ESRRB: variants seen among roughly 807,000 people sequenced by gnomAD.
ESRRB encodes the protein steroid hormone receptor ERR2.
In ESRRB, 16 loss-of-function variants were observed where a neutral mutation model predicts 46.0. The ratio of observed to expected loss-of-function variants is 0.35; its 90% CI spans 0.24 to 0.53. The LOEUF (loss-of-function observed/expected upper bound fraction) is 0.53, where lower values mean the gene tolerates loss of function less well. ESRRB is among the 20% of genes least tolerant of loss of function. The pLI is 0.93. For missense variants in ESRRB, 488 were observed against 607.4 expected (o/e 0.80, Z 2.07); for synonymous variants, 246 against 259.6 (o/e 0.95, Z 0.50).
intron 1 of ESRRB, among the ~76,000 whole-genome samples, chr14:76,331,651 C>G (rs1884015072): frequency 6.6e-6 from 1 of 152,158 alleles, no homozygotes; most frequent in South Asian, 2.1e-4. Flanking sequence ...TATGCAGCTG[C>G]CTGTCCTCTT....
At chr14:76,375,676 C>T (rs945069932), upstream of ESRRB, among the ~76,000 whole-genome samples, 2 of 152,210 alleles carry the variant, frequency 1.3e-5, no homozygotes, top group African/African-American at 4.8e-5. Context: ...TGCACTTTTG[C>T]GCACACAGCG....
chr14:76,433,456 A>C (rs140105384), intron 1 of ESRRB, among the ~76,000 whole-genome samples: 21 of 152,218 alleles, frequency 1.4e-4, no homozygotes, highest in East Asian at 9.7e-4. Context: ...AATGTCTTAA[A>C]TTCCTTACAT....
At position 76,482,233 on chromosome 14, in the gene ESRRB, T is replaced by C; in HGVS notation, c.688+107T>C. ...CCCACCACTGGGTCATGAGACAATG[T>C]GGATCTTGGGGAGGTGACATCAGTG... On this transcript the variant is annotated intron_variant, in intron 4 of 6. Transcript: ENST00000644823. This position sits in a 1 kb window ranked among gnomAD's most constrained non-coding sequence, Gnocchi z 4.3. 1.1e-6 allele frequency: 1 copy of C among 877,678 alleles called. No homozygotes were observed. The highest frequency in any genetic ancestry group is 1.6e-5 in the African/African-American group (1 of 60,658). 54.4% of individuals were successfully genotyped at this position (877,678 alleles called of 1,614,324 possible).
At chr14:76,432,140 C>A (rs1887473742) in intron 1 of ESRRB, among the ~76,000 whole-genome samples, 3 of 152,206 alleles carry the variant, frequency 2.0e-5, no homozygotes, top group Non-Finnish European at 4.4e-5. Context: ...TGGTTCTCAG[C>A]AGTTTTGCTC....
At chr14:76,469,730 A>C (rs1219908128) in intron 3 of ESRRB, among the ~76,000 whole-genome samples, 1 of 152,114 alleles carries the variant, frequency 6.6e-6, no homozygotes. Context: ...CTTCATCTCC[A>C]TCTAGATATT....
chr14:76,334,374 G>A (rs1181989310), intron 1 of ESRRB, among the ~76,000 whole-genome samples: 2 of 152,108 alleles, frequency 1.3e-5, no homozygotes, highest in Admixed American at 6.5e-5. Context: ...GAAGGGATGG[G>A]GTACGAATCC....
chr14:76,448,328 C>T lies in ESRRB; in HGVS notation c.460+8578C>T, dbSNP rs1457081926. The stretch of plus-strand genomic sequence containing the variant: ...AAGGCACAGGGTTACATTTACTTAC[C>T]TTTTTTTTTTTTTTTTTGAGACCGA... On this transcript the variant is annotated intron_variant, in intron 2 of 6. Coordinates refer to ENST00000644823, the MANE Select transcript of ESRRB (RefSeq NM_001379180.1). Among the ~76,000 whole-genome samples the T allele has an allele frequency of 1.4e-4, 19 of 133,488 alleles. No homozygotes were observed. In the South Asian group the frequency reaches 3.2e-3, roughly 22 times the overall value. 87.6% of individuals were successfully genotyped at this position (133,488 alleles called of 152,430 possible).
chr14:76,466,849 G>A (rs2140000598), intron 3 of ESRRB, among the ~76,000 whole-genome samples: 1 of 152,082 alleles, frequency 6.6e-6, no homozygotes, highest in South Asian at 2.1e-4. Flanking sequence ...TCAGTCTCCT[G>A]GGTAGCTGAG....
At chr14:76,477,269 G>C (rs1286984434) in intron 3 of ESRRB, among the ~76,000 whole-genome samples, 2 of 152,162 alleles carry the variant, frequency 1.3e-5, no homozygotes, top group Non-Finnish European at 2.9e-5. Context: ...CCAGGGTCCT[G>C]TCCTCTAAGA....
chr14:76,455,589 T>A (rs1462711307), intron 2 of ESRRB, among the ~76,000 whole-genome samples: 1 of 152,188 alleles, frequency 6.6e-6, no homozygotes, highest in Non-Finnish European at 1.5e-5. Flanking sequence ...CTCTTTTTAG[T>A]TCTTTCCTTC....
At chr14:76,475,124 C>T (rs546052064) in intron 3 of ESRRB, among the ~76,000 whole-genome samples, 51 of 151,940 alleles carry the variant, frequency 3.4e-4, no homozygotes, top group African/African-American at 1.1e-3. Context: ...GTCCCAGCTA[C>T]GTGGGAGGCT....
chr14:76,390,078 T>C (rs533756360), intron 1 of ESRRB, among the ~76,000 whole-genome samples: 2 of 152,316 alleles, frequency 1.3e-5, no homozygotes, highest in South Asian at 4.1e-4. Flanking sequence ...ACCACACCAC[T>C]GCACTGGCTC....
At chr14:76,371,626 T>G (rs1316683882), upstream of ESRRB, 1 of 152,238 alleles carries the variant, frequency 6.6e-6, no homozygotes, top group Non-Finnish European at 1.5e-5. Context: ...TCTGAAGGTA[T>G]CATTCCCACC....
At chr14:76,453,591 A>C (rs2139968865) in intron 2 of ESRRB, among the ~76,000 whole-genome samples, 1 of 150,002 alleles carries the variant, frequency 6.7e-6, no homozygotes, top group East Asian at 1.9e-4. Flanking sequence ...AATCTGAAAA[A>C]AAGCTCTTTT....
chr14:76,333,064 T>TAG (rs1884062197), intron 1 of ESRRB, among the ~76,000 whole-genome samples: 1 of 9,494 alleles, frequency 1.1e-4, no homozygotes, highest in African/African-American at 3.3e-4. Context: ...ATATTATATA[T>TAG]TATATATTAT....
chr14:76,484,568 C>G (rs1215680444), intron 5 of ESRRB, among the ~76,000 whole-genome samples: 1 of 152,002 alleles, frequency 6.6e-6, no homozygotes, highest in South Asian at 2.1e-4. Context: ...TCACGAGTGG[C>G]GCCTGGTGGT....
At chr14:76,380,092 C>T (rs548502443) in intron 1 of ESRRB, among the ~76,000 whole-genome samples, 2 of 152,100 alleles carry the variant, frequency 1.3e-5, no homozygotes, top group Non-Finnish European at 2.9e-5. Flanking sequence ...TAACTTTGTC[C>T]TGCGTGTGCT....
rs1887817856 is a variant in ESRRB at position 76,439,428 on chromosome 14, G to A, written c.138G>A (p.Ser46=). 3 of 1,613,518 alleles carry A rather than the reference G, an allele frequency of 1.9e-6. No individual in the cohort carries two copies. Among genetic ancestry groups the A allele is most frequent in the East Asian group, 2.2e-5 (1 of 44,870 alleles). Residue 46 remains serine (S), a synonymous_variant, in exon 2 of 7, where the codon TCG becomes TCA. Transcript: ENST00000644823. ...AGACTGAGCCGTCCAGCCCGTCCTC[G>A]GGCATCGATGCCCTCAGCCACCACA... is the stretch of plus-strand genomic sequence containing the variant. ...FIKTEPSSPS[S]GIDALSHHSP... is the part of the protein sequence containing the mutation.
intron 1 of ESRRB, among the ~76,000 whole-genome samples, chr14:76,400,935 T>C (rs866191730): frequency 1.3e-5 from 2 of 150,950 alleles, no homozygotes; most frequent in African/African-American, 4.9e-5. Context: ...GCACCGAGAG[T>C]GTGGTCCTCT....
Sources: gnomAD v4.1 joint callset for allele counts (sites outside exome capture counted in the v4.1 genomes callset) on GRCh38, gnomAD v4.1.1 for gene constraint, Gnocchi (gnomAD v3.1) non-coding constraint, MANE v1.5 for transcripts, NCBI Gene and HGNC (gene_info 2026-07-23, HGNC 2026-07-21) for gene names.